CTNNA3: variants seen among roughly 807,000 people sequenced by gnomAD.
The protein encoded by CTNNA3 is catenin alpha-3.
CTNNA3 carries 76 observed loss-of-function variants against 95.7 expected under a neutral mutation model. The observed-to-expected ratio is 0.79, with a 90% CI of 0.66 to 0.96. CTNNA3 has a LOEUF of 0.96. Ranked by LOEUF, CTNNA3 falls within the 40% of genes least tolerant of loss-of-function variation. The pLI is 0.00. For missense variants in CTNNA3, 1,191 were observed against 1,089.8 expected, an observed-to-expected ratio of 1.09 and a Z score of -1.31; for synonymous variants, 431 against 374.4, an observed-to-expected ratio of 1.15 and a Z score of -1.74.
chr10:65,919,523 G>T lies in CTNNA3; in HGVS notation c.*807C>A, dbSNP rs1368157012. The T allele has an allele frequency of 6.6e-6, 1 of 152,102 alleles. No homozygotes were observed. Among genetic ancestry groups the T allele is most frequent in the East Asian group, 1.9e-4 (1 of 5,196 alleles). The allele number at this position is 152,102 out of a possible 1,614,324, so 9.4% of individuals were successfully genotyped here. A position where few individuals can be genotyped will look rare whatever the true frequency, so the allele number is the denominator to read the frequency against. On this transcript the variant is annotated 3_prime_UTR_variant, in exon 18 of 18. Transcript: ENST00000433211. ...TATAACTCACTTTGGGATATAGTTT[G>T]TTGTCTCATTTTCCCAATGGGTGAT... is the stretch of plus-strand genomic sequence containing the variant.
At chr10:66,909,780 T>C (rs1303877443) in intron 7 of CTNNA3, among the ~76,000 whole-genome samples, 2 of 152,156 alleles carry the variant, frequency 1.3e-5, no homozygotes, top group Non-Finnish European at 2.9e-5. Context: ...GGTAACAGAT[T>C]TGTGAATCAA....
At chr10:66,301,969 T>C (rs1340044842) in intron 12 of CTNNA3, among the ~76,000 whole-genome samples, 1 of 152,050 alleles carries the variant, frequency 6.6e-6, no homozygotes, top group Non-Finnish European at 1.5e-5. Context: ...CTGGAACTAA[T>C]TAATGACAGC....
chr10:66,156,233 G>C (rs1387895883), intron 13 of CTNNA3, among the ~76,000 whole-genome samples: 2 of 151,824 alleles, frequency 1.3e-5, no homozygotes, highest in Non-Finnish European at 2.9e-5. Context: ...CTGACCACAG[G>C]CCTAAAGAAG....
At chr10:67,334,693 G>T (rs1362565109) in intron 5 of CTNNA3, 1 of 152,794 alleles carries the variant, frequency 6.5e-6, no homozygotes, top group African/African-American at 2.4e-5. Context: ...GTGCCACTGT[G>T]GCCTTCACAC....
intron 17 of CTNNA3, among the ~76,000 whole-genome samples, chr10:65,961,880 C>T (rs1354864595): frequency 2.6e-5 from 4 of 151,918 alleles, no homozygotes; most frequent in East Asian, 3.9e-4. Flanking sequence ...TTGTTAGAGC[C>T]GTATAAGCCA....
intron 5 of CTNNA3, among the ~76,000 whole-genome samples, chr10:67,225,061 TG>T (rs1383715720): frequency 6.6e-6 from 1 of 152,144 alleles, no homozygotes; most frequent in Non-Finnish European, 1.5e-5. Context: ...ACCAGCCCTT[TG>T]GTTTGCCTGG....
At chr10:67,078,869 G>A (rs753857079) in intron 7 of CTNNA3, among the ~76,000 whole-genome samples, 10 of 152,144 alleles carry the variant, frequency 6.6e-5, no homozygotes, top group Non-Finnish European at 1.0e-4. Flanking sequence ...AGGTTAGCAG[G>A]ACACTTGTAA....
At chr10:67,463,554 G>A (rs541484487) in intron 5 of CTNNA3, among the ~76,000 whole-genome samples, 7 of 152,252 alleles carry the variant, frequency 4.6e-5, no homozygotes, top group African/African-American at 1.7e-4. Flanking sequence ...GGAGAAGGGA[G>A]CAATGCACAT....
intron 9 of CTNNA3, among the ~76,000 whole-genome samples, chr10:66,750,981 A>T (rs915078374): frequency 1.3e-5 from 2 of 152,126 alleles, no homozygotes; most frequent in African/African-American, 2.4e-5. Flanking sequence ...TTTAATTTAA[A>T]ATTCCAGGCT....
At chr10:67,690,323 G>A (rs560288034) in intron 1 of CTNNA3, among the ~76,000 whole-genome samples, 2 of 152,176 alleles carry the variant, frequency 1.3e-5, no homozygotes, top group South Asian at 4.1e-4. Flanking sequence ...CAAAGAGTGA[G>A]CAGCAGCAAG....
In CTNNA3 at chr10:66,921,639, T is replaced by G. The variant is rs114807975; in HGVS notation, c.1048-146115A>C. On this transcript the variant is annotated intron_variant, in intron 7 of 17. Coordinates refer to ENST00000433211, the MANE Select transcript of CTNNA3 (RefSeq NM_013266.4). ...TACATTTAAGTCTCACAAGCTCATA[T>G]CCTTCAAGGTTTGCTCAGGCCAGTT... Among the ~76,000 whole-genome samples, 353 of 152,302 alleles carry G rather than the reference T, an allele frequency of 2.3e-3. 3 individuals are homozygous for G. The highest frequency in any genetic ancestry group is 8.3e-3 in the African/African-American group (344 of 41,570).
At chr10:67,556,858 T>G (rs1459743373) in intron 3 of CTNNA3, among the ~76,000 whole-genome samples, 4 of 152,192 alleles carry the variant, frequency 2.6e-5, no homozygotes, top group Non-Finnish European at 4.4e-5. Context: ...GGGTGTCAAT[T>G]TTGGATCTTT....
At chr10:67,620,923 G>GTGTATATATATATATA (rs1402402526) in intron 2 of CTNNA3, among the ~76,000 whole-genome samples, 280 of 123,708 alleles carry the variant, frequency 2.3e-3, no homozygotes, top group Non-Finnish European at 3.6e-3. Context: ...GTGTGTGTGT[G>GTGTATATATATATATA]TATATATATA....
At chr10:66,867,076 T>C (rs1471584481) in intron 7 of CTNNA3, among the ~76,000 whole-genome samples, 4 of 151,064 alleles carry the variant, frequency 2.6e-5, no homozygotes, top group East Asian at 3.8e-4. Context: ...TCTCACATGA[T>C]TGTGAAGCCT....
chr10:66,831,385 C>G (rs1306487937), intron 7 of CTNNA3, among the ~76,000 whole-genome samples: 1 of 152,080 alleles, frequency 6.6e-6, no homozygotes, highest in East Asian at 1.9e-4. Context: ...ATGCTTTTTC[C>G]CATCTCAAGA....
chr10:67,751,053 G>C (rs1564846324), intron 1 of CTNNA3: 1 of 1,503,794 alleles, frequency 6.6e-7, no homozygotes, highest in Non-Finnish European at 9.3e-7. Flanking sequence ...CCAGAGGAAT[G>C]TGACTGTGAT....
At chr10:65,982,805 G>C (rs2078350032) in intron 16 of CTNNA3, among the ~76,000 whole-genome samples, 1 of 150,820 alleles carries the variant, frequency 6.6e-6, no homozygotes, top group South Asian at 2.1e-4. Context: ...ATAAATTTCA[G>C]ATAGGTAATA....
At position 67,725,699 on chromosome 10, in the gene CTNNA3, G is replaced by C. The variant is rs1186615748; in HGVS notation, c.-2+37735C>G. ...AAAAAGAGATGAGAGTCAGGGGGATGGTCTAAGGAGAAGAGCTTATGCCAA... is the reference window on the plus strand; with the variant it reads ...AAAAAGAGATGAGAGTCAGGGGGATCGTCTAAGGAGAAGAGCTTATGCCAA... On this transcript the variant is annotated intron_variant, in intron 1 of 17. Transcript: ENST00000684154. 6.6e-5 allele frequency among the ~76,000 whole-genome samples: 10 copies of C among 151,682 alleles called. No individual in the cohort carries two copies. In the Admixed American group the frequency reaches 6.6e-4, roughly 10 times the overall value.
chr10:65,978,266 C>T (rs2078245920), intron 16 of CTNNA3, among the ~76,000 whole-genome samples: 1 of 152,104 alleles, frequency 6.6e-6, no homozygotes, highest in Non-Finnish European at 1.5e-5. Context: ...CACTAATGGA[C>T]TTATAATTGC....
Sources: gnomAD v4.1 joint callset for allele counts (sites outside exome capture counted in the v4.1 genomes callset) on GRCh38, gnomAD v4.1.1 for gene constraint, MANE v1.5 for transcripts, NCBI Gene and HGNC (gene_info 2026-07-23, HGNC 2026-07-21) for gene names.